MBD5: variants seen among roughly 807,000 people sequenced by gnomAD.
The protein encoded by MBD5 is methyl-CpG binding domain protein 5, also known as methyl-CpG-binding domain protein 5.
Under a neutral mutation model 117.3 loss-of-function variants are expected in MBD5, and 13 were observed. The ratio of observed to expected loss-of-function variants is 0.11; its 90% CI spans 0.07 to 0.18. MBD5 has a LOEUF of 0.18. Ranked by LOEUF, MBD5 falls within the 10% of genes least tolerant of loss-of-function variation. The pLI, the probability that MBD5 is intolerant of heterozygous loss-of-function variation, is 1.00. For missense variants in MBD5, 1,879 were observed against 2,093.8 expected (o/e 0.90, Z 2.00); for synonymous variants, 727 against 766.4 (o/e 0.95, Z 0.85).
chr2:148,099,282 T>C (rs1696146154), intron 1 of MBD5, among the ~76,000 whole-genome samples: 1 of 152,166 alleles, frequency 6.6e-6, no homozygotes, highest in South Asian at 2.1e-4. Context: ...TCTTGGAATC[T>C]TTAGTTAGAT....
At position 148,051,473 on chromosome 2, in the gene MBD5, G is replaced by A. The variant is rs1029346451; in HGVS notation, c.-925+29789G>A. On this transcript the variant is annotated intron_variant, in intron 1 of 13. Transcript: ENST00000642680. ...TAGTACAATATTGAATAGAAGAGGT[G>A]TGAGCAGACATCCTTTTCTTGTTCC... Among the ~76,000 whole-genome samples the A allele has an allele frequency of 4.6e-4, 70 of 151,136 alleles. 1 individual carries two copies. The highest frequency in any genetic ancestry group is 1.6e-4 in the Non-Finnish European group (11 of 67,814).
intron 11 of MBD5, among the ~76,000 whole-genome samples, chr2:148,492,118 T>C (rs774758007): frequency 6.6e-5 from 10 of 151,822 alleles, no homozygotes; most frequent in Non-Finnish European, 1.5e-4. Context: ...CTGATTAATC[T>C]GTGCTCGAAA....
chr2:148,390,057 T>TA, intron 4 of MBD5, among the ~76,000 whole-genome samples: 1 of 152,206 alleles, frequency 6.6e-6, no homozygotes, highest in East Asian at 1.9e-4. Flanking sequence ...TTTCAGGTCT[T>TA]ACATTTAAGT....
intron 3 of MBD5, among the ~76,000 whole-genome samples, chr2:148,334,845 G>C (rs1702746634): frequency 2.0e-5 from 3 of 152,098 alleles, no homozygotes. Flanking sequence ...TGTGGAGAAA[G>C]TGGGAAATTG....
At chr2:148,408,200 C>A (rs538592282) in intron 4 of MBD5, among the ~76,000 whole-genome samples, 66 of 152,260 alleles carry the variant, frequency 4.3e-4, no homozygotes, top group Non-Finnish European at 7.4e-4. Flanking sequence ...TTACTCTGCA[C>A]CTTTGCTTCT....
chr2:148,438,848 C>T (rs1706232117), intron 4 of MBD5, among the ~76,000 whole-genome samples: 1 of 152,154 alleles, frequency 6.6e-6, no homozygotes, highest in South Asian at 2.1e-4. Flanking sequence ...TCTAGGTCCC[C>T]AGCAGATTGG....
At chr2:148,270,994 T>C (rs1199171853) in intron 3 of MBD5, among the ~76,000 whole-genome samples, 1 of 152,178 alleles carries the variant, frequency 6.6e-6, no homozygotes, top group Non-Finnish European at 1.5e-5. Flanking sequence ...TAAGGAGATC[T>C]CAAGAGAGAA....
intron 3 of MBD5, among the ~76,000 whole-genome samples, chr2:148,266,087 A>G (rs1166066431): frequency 1.3e-5 from 2 of 152,196 alleles, no homozygotes; most frequent in Non-Finnish European, 2.9e-5. Flanking sequence ...AAGATAATAC[A>G]AGAAAGAAAA....
At chr2:148,208,121 T>A (rs1444206513) in intron 2 of MBD5, among the ~76,000 whole-genome samples, 1 of 152,184 alleles carries the variant, frequency 6.6e-6, no homozygotes, top group African/African-American at 2.4e-5. Context: ...TGCTGGGGAA[T>A]TATTATTAAG....
intron 3 of MBD5, among the ~76,000 whole-genome samples, chr2:148,278,128 A>G (rs1701157925): frequency 6.6e-6 from 1 of 152,154 alleles, no homozygotes; most frequent in Admixed American, 6.5e-5. Flanking sequence ...TGTCATATAA[A>G]CATAATTACA....
chr2:148,125,828 A>G (rs1386758291), intron 1 of MBD5, among the ~76,000 whole-genome samples: 1 of 152,258 alleles, frequency 6.6e-6, no homozygotes, highest in African/African-American at 2.4e-5. Flanking sequence ...TAAATATTGA[A>G]AGAATGAATA....
At chr2:148,178,597 A>G in intron 1 of MBD5, 103 bp from the exon 2 acceptor site, 1 of 386,246 alleles carries the variant, frequency 2.6e-6, no homozygotes, top group Non-Finnish European at 4.6e-6. Context: ...CAGGCTTATT[A>G]TATAAAGTCA....
chr2:148,151,735 G>T (rs1697674906), intron 1 of MBD5, among the ~76,000 whole-genome samples: 1 of 152,266 alleles, frequency 6.6e-6, no homozygotes, highest in South Asian at 2.1e-4. Context: ...GTGTAGAGGT[G>T]TTTGTAGTAT....
chr2:148,067,737 G>A (rs1695242685), intron 1 of MBD5, among the ~76,000 whole-genome samples: 1 of 152,088 alleles, frequency 6.6e-6, no homozygotes, highest in African/African-American at 2.4e-5. Flanking sequence ...CCCTAAGCTG[G>A]CTTCTAACAT....
intron 8 of MBD5, among the ~76,000 whole-genome samples, chr2:148,473,618 T>A (rs1017773117): frequency 2.3e-4 from 35 of 152,180 alleles, no homozygotes; most frequent in African/African-American, 8.2e-4. Context: ...TTTTAAATCT[T>A]CTTTTAAGGA....
At chr2:148,508,290 AC>A (rs912202509) in intron 12 of MBD5, among the ~76,000 whole-genome samples, 3 of 152,222 alleles carry the variant, frequency 2.0e-5, no homozygotes, top group African/African-American at 7.2e-5. Flanking sequence ...TAATAAAAAA[AC>A]TTCTTATATA....
Position 148,342,583 on chromosome 2 carries a change from T to C in MBD5, c.-557+247T>C, listed in dbSNP as rs2602352. Reference sequence around the variant, plus strand: ...ATATAGTTATCCTACCACCTTCAGGTAACTATTCTTCATATTTTGTTATAT... The same window carrying C: ...ATATAGTTATCCTACCACCTTCAGGCAACTATTCTTCATATTTTGTTATAT... On this transcript the variant is annotated intron_variant, in intron 4 of 13. Coordinates refer to ENST00000642680, the MANE Select transcript of MBD5 (RefSeq NM_001378120.1). Among the ~76,000 whole-genome samples the C allele has an allele frequency of 0.27, 41,701 of 151,708 alleles. 6,539 individuals carry two copies. Among genetic ancestry groups the C allele is most frequent in the Admixed American group, 0.37 (5,566 of 15,166 alleles).
intron 1 of MBD5, among the ~76,000 whole-genome samples, chr2:148,172,675 G>C (rs534005792): frequency 6.6e-6 from 1 of 152,240 alleles, no homozygotes; most frequent in East Asian, 1.9e-4. Flanking sequence ...TCCAGGTGGA[G>C]TCTGCCAGTC....
chr2:148,058,911 C>G (rs1224812935), intron 1 of MBD5, among the ~76,000 whole-genome samples: 1 of 152,142 alleles, frequency 6.6e-6, no homozygotes, highest in South Asian at 2.1e-4. Flanking sequence ...GTCAGAACTT[C>G]TTTTGGCTAT....
Sources: gnomAD v4.1 joint callset for allele counts (sites outside exome capture counted in the v4.1 genomes callset) on GRCh38, gnomAD v4.1.1 for gene constraint, MANE v1.5 for transcripts, NCBI Gene and HGNC (gene_info 2026-07-23, HGNC 2026-07-21) for gene names.